WDR3: variants seen among roughly 807,000 people sequenced by gnomAD.
WDR3 encodes the protein WD repeat domain 3, also known as WD repeat-containing protein 3.
A neutral mutation model predicts 123.7 loss-of-function variants in WDR3; 81 were observed. That is an observed-to-expected ratio of 0.65 (90% CI 0.55 to 0.79). WDR3 has a LOEUF of 0.79. Ranked by LOEUF, WDR3 falls within the 30% of genes least tolerant of loss-of-function variation. The probability of loss-of-function intolerance (pLI) is 0.00; values close to 1 mark genes in which losing one functional copy is unlikely to be tolerated. For missense variants in WDR3, 1,027 were observed against 1,123.2 expected, an observed-to-expected ratio of 0.91 and a Z score of 1.22; for synonymous variants, 390 against 388.8, an observed-to-expected ratio of 1.00 and a Z score of -0.04.
chr1:117,940,556 T>C (rs529740041), intron 6 of WDR3, among the ~76,000 whole-genome samples: 124 of 152,240 alleles, frequency 8.1e-4, no homozygotes, highest in African/African-American at 2.9e-3. Flanking sequence ...GGCAAGAACC[T>C]GTCTCTACAA....
intron 25 of WDR3, 51 bp downstream of exon 25, chr1:117,957,247 G>T (rs1308287838): frequency 6.4e-7 from 1 of 1,571,118 alleles, no homozygotes; most frequent in Non-Finnish European, 8.6e-7. Context: ...AACTGCTTCA[G>T]TAGTACCTTA....
chr1:117,945,132 T>G (rs1651324059), intron 11 of WDR3, among the ~76,000 whole-genome samples: 1 of 152,214 alleles, frequency 6.6e-6, no homozygotes, highest in Admixed American at 6.5e-5. Context: ...TCATCTCTCA[T>G]CTGGGTTATT....
intron 25 of WDR3, 141 bp downstream of exon 25, chr1:117,957,337 G>A: frequency 4.6e-6 from 5 of 1,097,958 alleles, no homozygotes; most frequent in Non-Finnish European, 6.2e-6. Flanking sequence ...AGCACTTTGG[G>A]AGGCTGAGGT....
chr1:117,950,252 T>C lies in WDR3; in HGVS notation c.1746+122T>C, dbSNP rs573107149. On this transcript the variant is annotated intron_variant, in intron 15 of 26. Transcript: ENST00000349139. ...GCGATAGTACATTTCTAAAAATGTG[T>C]GTGTGAATCAAAGCAATGTAACTAT... The C allele has an allele frequency of 1.2e-4, 141 of 1,179,848 alleles. 1 individual carries two copies. The highest frequency in any genetic ancestry group is 8.8e-4 in the Admixed American group (36 of 41,126). The allele number at this position is 1,179,848 out of a possible 1,614,324, so 73.1% of individuals were successfully genotyped here.
In WDR3 at chr1:117,961,126, AC is replaced by A. The variant is rs1481216209; in HGVS notation, c.*1680del. 1.3e-5 allele frequency: 2 copies of A among 152,214 alleles called. No individual in the cohort carries two copies. The highest frequency in any genetic ancestry group is 1.3e-4 in the Admixed American group (2 of 15,276). 9.4% of individuals were successfully genotyped at this position (152,214 alleles called of 1,614,324 possible). ...GTGAAACCTCATCTCTACTAAAAAT[AC>A]AAAAAACTAGCTGGGCGTGGTGGCA... On this transcript the variant is annotated 3_prime_UTR_variant, in exon 27 of 27. Transcript: ENST00000349139.
intron 10 of WDR3, among the ~76,000 whole-genome samples, 164 bp from the exon 11 acceptor site, chr1:117,943,232 C>CACCCA (rs1651242822): frequency 1.3e-5 from 2 of 152,110 alleles, no homozygotes; most frequent in African/African-American, 4.8e-5. Context: ...GGATTACAGG[C>CACCCA]GTGAGCCACT....
At chr1:117,955,399 A>G in intron 24 of WDR3, 41 bp downstream of exon 24, 4 of 1,591,900 alleles carry the variant, frequency 2.5e-6, no homozygotes, top group Non-Finnish European at 3.4e-6. Context: ...ATCTGTCAGC[A>G]AACATTTATG....
intron 12 of WDR3, among the ~76,000 whole-genome samples, chr1:117,947,014 A>G (rs1474222285): frequency 1.3e-5 from 2 of 150,798 alleles, no homozygotes; most frequent in East Asian, 3.9e-4. Flanking sequence ...CCTTTATATT[A>G]TGGGATGACG....
rs374481557 is a variant in WDR3, at chr1:117,950,899, T to A, written c.1803+9T>A. On this transcript the variant is annotated intron_variant, in intron 16 of 26. Coordinates refer to ENST00000349139, the MANE Select transcript of WDR3 (RefSeq NM_006784.3). ...GCATGGACATCTCTCATGTAAGTAG[T>A]TTAAATAGTGTCTCAGTAATATGTT... is the stretch of plus-strand genomic sequence containing the variant. 6.2e-7 allele frequency: 1 copy of A among 1,603,542 alleles called. No homozygotes were observed. Among genetic ancestry groups the A allele is most frequent in the Non-Finnish European group, 8.5e-7 (1 of 1,176,122 alleles).
intron 13 of WDR3, 86 bp downstream of exon 13, chr1:117,948,592 GT>G (rs11370392): frequency 0.039 from 21,970 of 564,120 alleles, no homozygotes; most frequent in East Asian, 0.066. Context: ...AAAGCCTGAG[GT>G]TTTTTTTTTT....
chr1:117,959,442 A>T lies in WDR3; in HGVS notation c.2827A>T (p.Thr943Ser). ...GAGGGAGAAGTTGATTCTAACGTTG[A>T]CTTAGAACTGAAATGTGGTATCTTT... The part of the protein sequence containing the change: ...KKREKLILTL[T>S] The change falls in exon 27 of 27, where the codon ACT (threonine) becomes TCT (serine). Residue 943 changes from threonine to serine, a missense_variant. Thr to Ser is a moderately conservative substitution (Grantham distance 58). Transcript: ENST00000349139. 6.2e-7 allele frequency: 1 copy of T among 1,602,402 alleles called. No individual in the cohort carries two copies. Among genetic ancestry groups the T allele is most frequent in the Non-Finnish European group, 8.5e-7 (1 of 1,176,420 alleles).
At chr1:117,939,787 A>G (rs1018630998) in intron 6 of WDR3, among the ~76,000 whole-genome samples, 2 of 152,200 alleles carry the variant, frequency 1.3e-5, no homozygotes, top group Admixed American at 6.5e-5. Context: ...AGCTTCTGGT[A>G]ATACTAATGT....
At position 117,963,792 on chromosome 1, in the gene WDR3, AC is replaced by A. The variant is rs770969756; in HGVS notation, c.*4346del. The A allele has an allele frequency of 6.2e-7, 1 of 1,605,716 alleles. No homozygotes were observed. Among genetic ancestry groups the A allele is most frequent in the East Asian group, 2.2e-5 (1 of 44,764 alleles). ...ACAATCAAATTCCCATTTATTACTT[AC>A]TGTACCTAATGTGGAGAAACTTTAC... On this transcript the variant is annotated 3_prime_UTR_variant, in exon 27 of 27. Transcript: ENST00000349139.
Position 117,952,426 on chromosome 1 carries a change from G to A in WDR3, c.2016+18G>A, listed in dbSNP as rs1400771500. The A allele has an allele frequency of 1.9e-6, 3 of 1,607,008 alleles. No homozygotes were observed. Among genetic ancestry groups the A allele is most frequent in the Admixed American group, 1.7e-5 (1 of 58,916 alleles). ...CTCTGGAGGTAACCACATGCCTTCTGTGCTTGCTTGGTACTTAAGAAATAC... is the reference window on the plus strand; with the variant it reads ...CTCTGGAGGTAACCACATGCCTTCTATGCTTGCTTGGTACTTAAGAAATAC... On this transcript the variant is annotated intron_variant, in intron 18 of 26. Transcript: ENST00000349139.
chr1:117,964,125 G>C lies in WDR3; in HGVS notation c.*4678G>C, dbSNP rs561244649. The C allele has an allele frequency of 7.5e-5, 41 of 547,870 alleles. No homozygotes were observed. In the South Asian group the frequency reaches 9.9e-4, roughly 13 times the overall value. The allele number at this position is 547,870 out of a possible 1,614,324, so 33.9% of individuals were successfully genotyped here. A position where few individuals can be genotyped will look rare whatever the true frequency, so the allele number is the denominator to read the frequency against. Reference sequence around the variant, plus strand: ...TAGAGGATGGATATGCCAATGTCTAGAATGTCTTCTGTTCTCCCTAGTGTA... The same window carrying C: ...TAGAGGATGGATATGCCAATGTCTACAATGTCTTCTGTTCTCCCTAGTGTA... On this transcript the variant is annotated 3_prime_UTR_variant, in exon 27 of 27. Coordinates refer to ENST00000349139, the MANE Select transcript of WDR3 (RefSeq NM_006784.3).
At chr1:117,934,356 T>A (rs1650842990) in intron 2 of WDR3, 117 bp from the exon 3 acceptor site, 1 of 935,982 alleles carries the variant, frequency 1.1e-6, no homozygotes, top group Admixed American at 2.7e-5. Context: ...TTTTTATTCA[T>A]AAGAGTAATT....
intron 16 of WDR3, among the ~76,000 whole-genome samples, chr1:117,951,685 A>G (rs532976647): frequency 6.6e-6 from 1 of 152,198 alleles, no homozygotes; most frequent in East Asian, 1.9e-4. Flanking sequence ...AGATTAGAAA[A>G]TCTTTTTCCT....
chr1:117,951,009 A>C (rs1379397148), intron 16 of WDR3, 119 bp downstream of exon 16: 3 of 722,856 alleles, frequency 4.2e-6, no homozygotes, highest in Non-Finnish European at 6.7e-6. Context: ...TCTGTTATAT[A>C]TCTTTCTCCA....
At chr1:117,938,800 T>G (rs1276858626) in intron 5 of WDR3, among the ~76,000 whole-genome samples, 1 of 152,248 alleles carries the variant, frequency 6.6e-6, no homozygotes, top group Non-Finnish European at 1.5e-5. Context: ...TTTCATCATT[T>G]CTAAATAATA....
Sources: gnomAD v4.1 joint callset for allele counts (sites outside exome capture counted in the v4.1 genomes callset) on GRCh38, gnomAD v4.1.1 for gene constraint, MANE v1.5 for transcripts, NCBI Gene and HGNC (gene_info 2026-07-23, HGNC 2026-07-21) for gene names.